Variants in KCNH1 observed in about 807,000 individuals in gnomAD.
The protein encoded by KCNH1 is potassium voltage-gated channel subfamily H member 1.
A neutral mutation model predicts 69.2 loss-of-function variants in KCNH1; 27 were observed. The ratio of observed to expected loss-of-function variants is 0.39; its 90% CI spans 0.29 to 0.54. The LOEUF (loss-of-function observed/expected upper bound fraction) is 0.54, where lower values mean the gene tolerates loss of function less well. Among genes scored for constraint, KCNH1 ranks in the 20% least tolerant of loss-of-function variants. The probability of loss-of-function intolerance (pLI) is 0.68; values close to 1 mark genes in which losing one functional copy is unlikely to be tolerated. For synonymous variants in KCNH1, 456 were observed against 487.7 expected (o/e 0.93, Z 0.86); for missense variants, 798 against 1,261.6 (o/e 0.63, Z 5.57).
intron 10 of KCNH1, among the ~76,000 whole-genome samples, chr1:210,705,508 G>C (rs553273116): frequency 6.6e-6 from 1 of 152,184 alleles, no homozygotes; most frequent in Non-Finnish European, 1.5e-5. Flanking sequence ...GCAGAATTCT[G>C]GTCCCATTGA....
intron 6 of KCNH1, among the ~76,000 whole-genome samples, chr1:211,014,949 C>T (rs1689466274): frequency 1.3e-5 from 2 of 152,188 alleles, no homozygotes; most frequent in African/African-American, 2.4e-5. Context: ...GGGGGTTTTC[C>T]CTCAGCCTGA....
At chr1:210,865,359 C>G (rs904007680) in intron 7 of KCNH1, among the ~76,000 whole-genome samples, 1 of 152,186 alleles carries the variant, frequency 6.6e-6, no homozygotes, top group Non-Finnish European at 1.5e-5. Flanking sequence ...GTTTAGATAA[C>G]TTGACCAAGG....
At chr1:210,874,205 T>C (rs1686315471) in intron 7 of KCNH1, among the ~76,000 whole-genome samples, 1 of 152,206 alleles carries the variant, frequency 6.6e-6, no homozygotes, top group African/African-American at 2.4e-5. Flanking sequence ...GCAATGCCCA[T>C]GTGGAGGTGA....
chr1:210,782,557 C>G (rs1684008203), intron 9 of KCNH1, among the ~76,000 whole-genome samples: 1 of 152,072 alleles, frequency 6.6e-6, no homozygotes, highest in Admixed American at 6.6e-5. Context: ...GAAATCCCAT[C>G]TCTACTAAAA....
intron 5 of KCNH1, among the ~76,000 whole-genome samples, chr1:211,035,236 CTTTTTTTTTTTT>C (rs765170558): frequency 1.7e-4 from 13 of 75,050 alleles, no homozygotes; most frequent in African/African-American, 5.7e-4. Flanking sequence ...TACTGGCATT[CTTTTTTTTTTTT>C]TTTTTTTTTT....
chr1:210,848,084 A>G (rs530304933), intron 7 of KCNH1, among the ~76,000 whole-genome samples: 1 of 152,214 alleles, frequency 6.6e-6, no homozygotes, highest in Non-Finnish European at 1.5e-5. Context: ...AGACTGTCAA[A>G]GAGAGTTATA....
intron 7 of KCNH1, among the ~76,000 whole-genome samples, chr1:210,888,584 CAT>C (rs768709595): frequency 6.6e-6 from 1 of 152,010 alleles, no homozygotes; most frequent in Non-Finnish European, 1.5e-5. Flanking sequence ...GAGACGGAGA[CAT>C]AAAAAACCCT....
chr1:210,697,869 A>C (rs1331903414), intron 10 of KCNH1, among the ~76,000 whole-genome samples: 4 of 152,366 alleles, frequency 2.6e-5, no homozygotes, highest in Middle Eastern at 3.4e-3. Flanking sequence ...ACATCAATGC[A>C]TCTGGGAAAG....
chr1:210,755,994 C>T (rs1013833090), intron 10 of KCNH1, among the ~76,000 whole-genome samples: 1 of 152,158 alleles, frequency 6.6e-6, no homozygotes. Flanking sequence ...CGTGACTTTA[C>T]GAAAGGAGAG....
chr1:210,816,919 T>A (rs1048950863), intron 7 of KCNH1, among the ~76,000 whole-genome samples: 1 of 152,158 alleles, frequency 6.6e-6, no homozygotes, highest in Non-Finnish European at 1.5e-5. Flanking sequence ...TGAAACATCA[T>A]AATAATTGGA....
intron 10 of KCNH1, among the ~76,000 whole-genome samples, chr1:210,760,661 G>A (rs1683496906): frequency 1.3e-5 from 2 of 152,182 alleles, no homozygotes; most frequent in South Asian, 4.1e-4. Flanking sequence ...GTTCCATATG[G>A]GGAGGCCTCA....
chr1:210,850,537 G>A (rs1193010277), intron 7 of KCNH1, among the ~76,000 whole-genome samples: 1 of 152,068 alleles, frequency 6.6e-6, no homozygotes, highest in Non-Finnish European at 1.5e-5. Flanking sequence ...TTTTAAAAAA[G>A]CATTTGGATC....
chr1:211,086,964 C>A (rs1690963195), intron 4 of KCNH1, among the ~76,000 whole-genome samples: 1 of 152,134 alleles, frequency 6.6e-6, no homozygotes, highest in African/African-American at 2.4e-5. Context: ...CTTTTCCTTA[C>A]CAATGTATAA....
At chr1:210,690,274 A>G (rs1158031714) in intron 10 of KCNH1, among the ~76,000 whole-genome samples, 2 of 152,154 alleles carry the variant, frequency 1.3e-5, no homozygotes, top group Admixed American at 1.3e-4. Context: ...GCAAACATTT[A>G]TTGAGCAACC....
chr1:210,717,858 C>CACTT (rs1682299097), intron 10 of KCNH1, among the ~76,000 whole-genome samples: 1 of 152,112 alleles, frequency 6.6e-6, no homozygotes, highest in Admixed American at 6.6e-5. Context: ...GTAATCCCAG[C>CACTT]ACTTTGGGAG....
chr1:210,724,727 G>A (rs1353991520), intron 10 of KCNH1, among the ~76,000 whole-genome samples: 1 of 152,114 alleles, frequency 6.6e-6, no homozygotes, highest in East Asian at 1.9e-4. Context: ...TCTCATAATA[G>A]CTTCTGGGAC....
chr1:211,111,088 T>C (rs943527871), intron 1 of KCNH1, among the ~76,000 whole-genome samples: 1 of 152,198 alleles, frequency 6.6e-6, no homozygotes, highest in Non-Finnish European at 1.5e-5. Flanking sequence ...TTAATTAATT[T>C]AATCATAAAA....
At chr1:211,073,231 A>G (rs1690678321) in intron 5 of KCNH1, among the ~76,000 whole-genome samples, 1 of 152,228 alleles carries the variant, frequency 6.6e-6, no homozygotes, top group African/African-American at 2.4e-5. Flanking sequence ...TCAGGAAAAA[A>G]TTGATACAAC....
intron 5 of KCNH1, among the ~76,000 whole-genome samples, chr1:211,076,354 A>C (rs1009982936): frequency 6.6e-6 from 1 of 152,188 alleles, no homozygotes; most frequent in African/African-American, 2.4e-5. Context: ...CACCTCACAC[A>C]GGCGGGTGCC....
Sources: allele counts gnomAD v4.1 joint callset (sites outside exome capture counted in the v4.1 genomes callset), GRCh38; gene constraint gnomAD v4.1.1; transcripts MANE v1.5; gene names NCBI Gene and HGNC (gene_info 2026-07-23, HGNC 2026-07-21).